The following RBFOX1 variants were observed in gnomAD, a reference collection of about 807,000 sequenced individuals.
RBFOX1 encodes the protein RNA binding protein fox-1 homolog 1.
A neutral mutation model predicts 57.7 loss-of-function variants in RBFOX1; 8 were observed. That is an observed-to-expected ratio of 0.14 (90% confidence interval 0.08 to 0.25). The LOEUF is 0.25. Among genes scored for constraint, RBFOX1 ranks in the 10% least tolerant of loss-of-function variants. The pLI, the probability that RBFOX1 is intolerant of heterozygous loss-of-function variation, is 1.00. For synonymous variants in RBFOX1, 326 were observed against 222.4 expected, an observed-to-expected ratio of 1.47 and a Z score of -4.15; for missense variants, 611 against 548.5, an observed-to-expected ratio of 1.11 and a Z score of -1.14.
At chr16:7,168,222 TC>T (rs2079964576) in intron 4 of RBFOX1, among the ~76,000 whole-genome samples, 1 of 152,198 alleles carries the variant, frequency 6.6e-6, no homozygotes. Context: ...GGAATGTGGT[TC>T]CCCTAGCAAG....
intron 1 of RBFOX1, among the ~76,000 whole-genome samples, chr16:6,258,708 G>A (rs772961667): frequency 1.3e-5 from 2 of 152,120 alleles, no homozygotes; most frequent in African/African-American, 2.4e-5. Context: ...TCAACAGGGG[G>A]ACTATAGTTA....
chr16:5,283,637 G>A (rs1167107004), intron 1 of RBFOX1, among the ~76,000 whole-genome samples: 12 of 152,150 alleles, frequency 7.9e-5, no homozygotes, highest in East Asian at 7.7e-4. Flanking sequence ...TTTTACTGCC[G>A]CACTGGATTT....
intron 3 of RBFOX1, among the ~76,000 whole-genome samples, chr16:6,958,051 G>A (rs1233513554): frequency 2.6e-5 from 4 of 152,126 alleles, no homozygotes; most frequent in South Asian, 2.1e-4. Flanking sequence ...TCATCGAGGG[G>A]CCATCTTTGG....
chr16:7,030,267 T>G (rs938117452), intron 3 of RBFOX1, among the ~76,000 whole-genome samples: 1 of 152,166 alleles, frequency 6.6e-6, no homozygotes, highest in Non-Finnish European at 1.5e-5. Flanking sequence ...TGCCTCTGTT[T>G]AATGGAGTCA....
At chr16:7,004,524 A>G (rs1359701362) in intron 3 of RBFOX1, among the ~76,000 whole-genome samples, 1 of 152,184 alleles carries the variant, frequency 6.6e-6, no homozygotes, top group Non-Finnish European at 1.5e-5. Context: ...ACTCCAAGAG[A>G]GAGACCATCT....
intron 4 of RBFOX1, among the ~76,000 whole-genome samples, chr16:7,186,646 C>T (rs551653185): frequency 6.9e-6 from 1 of 145,074 alleles, no homozygotes; most frequent in African/African-American, 2.5e-5. Context: ...TATTTATATA[C>T]ACATTTATAT....
chr16:5,276,527 G>A (rs2063144519), intron 1 of RBFOX1, among the ~76,000 whole-genome samples: 1 of 152,196 alleles, frequency 6.6e-6, no homozygotes, highest in Non-Finnish European at 1.5e-5. Flanking sequence ...GCTGACGCGT[G>A]TAATCCCAGT....
At chr16:6,222,570 A>G (rs145096792) in intron 1 of RBFOX1, among the ~76,000 whole-genome samples, 2 of 151,904 alleles carry the variant, frequency 1.3e-5, no homozygotes, top group African/African-American at 4.8e-5. Flanking sequence ...ACTTTAGTGC[A>G]CATAACAATC....
At chr16:6,315,192 C>T (rs1428113759) in intron 1 of RBFOX1, among the ~76,000 whole-genome samples, 2 of 152,168 alleles carry the variant, frequency 1.3e-5, no homozygotes, top group African/African-American at 2.4e-5. Context: ...GAAACTCAGA[C>T]AAAGAAAGGT....
intron 4 of RBFOX1, among the ~76,000 whole-genome samples, chr16:7,055,585 A>G (rs1019195100): frequency 1.3e-5 from 2 of 152,178 alleles, no homozygotes; most frequent in African/African-American, 4.8e-5. Context: ...ACTGCAGGAA[A>G]ATAATTCCCA....
At chr16:7,402,001 C>T (rs964897503) in intron 4 of RBFOX1, among the ~76,000 whole-genome samples, 37 of 152,214 alleles carry the variant, frequency 2.4e-4, no homozygotes, top group African/African-American at 8.2e-4. Flanking sequence ...TCTTTTCCTT[C>T]CCTTTAAAAA....
chr16:6,912,417 A>G (rs1007315500), intron 3 of RBFOX1, among the ~76,000 whole-genome samples: 2 of 152,032 alleles, frequency 1.3e-5, no homozygotes, highest in African/African-American at 4.8e-5. Context: ...TACTGAAATG[A>G]GGTGTCTGTT....
chr16:6,893,760 A>G (rs117678962), intron 3 of RBFOX1, among the ~76,000 whole-genome samples: 2,811 of 152,288 alleles, frequency 0.018, 47 homozygotes, highest in African/African-American at 0.024. Flanking sequence ...AGACCAAAAC[A>G]CATGTATCAT....
chr16:7,545,319 G>GC (rs956978394), intron 5 of RBFOX1, among the ~76,000 whole-genome samples: 32 of 152,038 alleles, frequency 2.1e-4, no homozygotes, highest in African/African-American at 7.0e-4. Context: ...GCGGGTCATG[G>GC]GGGTGGAGGT....
At chr16:6,091,629 A>T (rs1185493458) in intron 1 of RBFOX1, among the ~76,000 whole-genome samples, 1 of 152,184 alleles carries the variant, frequency 6.6e-6, no homozygotes, top group Non-Finnish European at 1.5e-5. Flanking sequence ...CATGAGTTCG[A>T]GACCAGCCTG....
chr16:7,153,780 T>C (rs2076559093), intron 4 of RBFOX1, among the ~76,000 whole-genome samples: 2 of 151,880 alleles, frequency 1.3e-5, no homozygotes, highest in South Asian at 2.1e-4. Flanking sequence ...TGTTTTATTG[T>C]TCTGCTTGTT....
intron 2 of RBFOX1, among the ~76,000 whole-genome samples, chr16:6,504,331 C>A (rs186064568): frequency 1.3e-5 from 2 of 152,154 alleles, no homozygotes; most frequent in Non-Finnish European, 2.9e-5. Context: ...CTTCACATTC[C>A]CCTGCCCTTC....
intron 3 of RBFOX1, among the ~76,000 whole-genome samples, chr16:5,696,230 T>G (rs982136404): frequency 1.3e-5 from 2 of 152,346 alleles, no homozygotes; most frequent in African/African-American, 4.8e-5. Flanking sequence ...CCATTTTCAT[T>G]GTCTTCCTTA....
intron 4 of RBFOX1, among the ~76,000 whole-genome samples, chr16:7,311,142 A>C (rs182714121): frequency 1.1e-3 from 174 of 152,280 alleles, no homozygotes; most frequent in Non-Finnish European, 2.0e-3. Context: ...CATACATTCA[A>C]CGTCTACATC....
Sources: allele counts gnomAD v4.1 joint callset (sites outside exome capture counted in the v4.1 genomes callset), GRCh38; gene constraint gnomAD v4.1.1; transcripts MANE v1.5; gene names NCBI Gene and HGNC (gene_info 2026-07-23, HGNC 2026-07-21).